SPMAP2L: variants seen among roughly 807,000 people sequenced by gnomAD.
SPMAP2L encodes sperm microtubule associated protein 2-like.
At chr4:56,543,179 G>A in the SPMAP2L span, among the ~76,000 whole-genome samples, 5 of 151,776 alleles carry the variant, frequency 3.3e-5, no homozygotes, top group African/African-American at 9.7e-5. Context: ...CGCCTCCCGG[G>A]TTCACGCCAT....
At chr4:56,602,917 G>C in the SPMAP2L span, among the ~76,000 whole-genome samples, 1 of 152,088 alleles carries the variant, frequency 6.6e-6, no homozygotes, top group East Asian at 1.9e-4. Context: ...ACAAACTCAG[G>C]TCTGTCTGAT....
the SPMAP2L span, among the ~76,000 whole-genome samples, chr4:56,622,907 AC>A: frequency 6.6e-6 from 1 of 152,070 alleles, no homozygotes. Flanking sequence ...ACAGTCTCGC[AC>A]CTTTCTGAAT....
At chr4:56,552,287 A>G in the SPMAP2L span, among the ~76,000 whole-genome samples, 1 of 152,184 alleles carries the variant, frequency 6.6e-6, no homozygotes, top group Non-Finnish European at 1.5e-5. Context: ...ATTTTACCTC[A>G]GGTCTTCTGG....
chr4:56,606,462 G>T, the SPMAP2L span, among the ~76,000 whole-genome samples: 1 of 152,100 alleles, frequency 6.6e-6, no homozygotes, highest in African/African-American at 2.4e-5. Context: ...TGAAGCAAGG[G>T]TGATGGAGCT....
the SPMAP2L span, among the ~76,000 whole-genome samples, chr4:56,606,140 G>C: frequency 7.9e-5 from 12 of 152,116 alleles, no homozygotes; most frequent in Non-Finnish European, 2.9e-5. Context: ...AAAGTGTGAC[G>C]TTTTCTTAAC....
chr4:56,578,399 T>A, the SPMAP2L span, among the ~76,000 whole-genome samples: 1 of 151,834 alleles, frequency 6.6e-6, no homozygotes, highest in African/African-American at 2.4e-5. Context: ...AGAAAATATC[T>A]AACACAAAAG....
At chr4:56,588,720 T>C in the SPMAP2L span, among the ~76,000 whole-genome samples, 1 of 152,144 alleles carries the variant, frequency 6.6e-6, no homozygotes, top group Non-Finnish European at 1.5e-5. Context: ...CGTTAGCCAC[T>C]GTGTCCAGCC....
At chr4:56,539,009 A>T in the SPMAP2L span, among the ~76,000 whole-genome samples, 1 of 152,218 alleles carries the variant, frequency 6.6e-6, no homozygotes, top group Non-Finnish European at 1.5e-5. Context: ...CTACTCACTC[A>T]ATAAGATTTT....
the SPMAP2L span, chr4:56,584,526 C>G: frequency 6.5e-7 from 1 of 1,535,330 alleles, no homozygotes; most frequent in South Asian, 1.2e-5. Context: ...GCAAGAGATT[C>G]TCTTCGAATC....
the SPMAP2L span, among the ~76,000 whole-genome samples, chr4:56,591,219 T>C: frequency 2.6e-4 from 40 of 152,288 alleles, no homozygotes; most frequent in African/African-American, 8.7e-4. Context: ...TAAAAGTGTG[T>C]AGCACCTTCC....
the SPMAP2L span, among the ~76,000 whole-genome samples, chr4:56,577,229 A>G: frequency 2.0e-5 from 3 of 152,032 alleles, no homozygotes; most frequent in Non-Finnish European, 4.4e-5. Context: ...ACATGGTGAA[A>G]CCTCATCTCT....
the SPMAP2L span, among the ~76,000 whole-genome samples, chr4:56,555,892 T>C: frequency 6.6e-6 from 1 of 152,170 alleles, no homozygotes; most frequent in Non-Finnish European, 1.5e-5. Context: ...TTGTCTCTTA[T>C]TCATGGATAG....
At chr4:56,621,832 G>A in the SPMAP2L span, among the ~76,000 whole-genome samples, 2,517 of 152,300 alleles carry the variant, frequency 0.017, 25 homozygotes, top group Non-Finnish European at 0.028. Flanking sequence ...GCTGGAAAAG[G>A]AAAGGGAGAG....
chr4:56,595,423 A>G, the SPMAP2L span: 11,402 of 1,606,370 alleles, frequency 7.1e-3, 54 homozygotes, highest in Non-Finnish European at 9.0e-3. Flanking sequence ...CTGTGATGCC[A>G]TGATCAGCAT....
At chr4:56,562,114 C>T in the SPMAP2L span, among the ~76,000 whole-genome samples, 3 of 152,070 alleles carry the variant, frequency 2.0e-5, no homozygotes, top group African/African-American at 7.2e-5. Flanking sequence ...GACACAATTA[C>T]TGTTTTTAAG....
chr4:56,619,348 A>G, the SPMAP2L span, among the ~76,000 whole-genome samples: 1 of 152,198 alleles, frequency 6.6e-6, no homozygotes, highest in East Asian at 1.9e-4. Context: ...GAGCTTATTC[A>G]TCTGGCTTTA....
chr4:56,552,589 A>G, the SPMAP2L span: 1 of 1,526,132 alleles, frequency 6.6e-7, no homozygotes, highest in Non-Finnish European at 8.8e-7. Context: ...TTCAAAGCCT[A>G]AAAAGCAATG....
At chr4:56,596,459 T>C in the SPMAP2L span, 2 of 1,468,130 alleles carry the variant, frequency 1.4e-6, no homozygotes, top group East Asian at 5.0e-5. Flanking sequence ...TAGTGTTTAT[T>C]ACTTGATGCT....
chr4:56,620,849 C>T, the SPMAP2L span, among the ~76,000 whole-genome samples: 1,432 of 152,312 alleles, frequency 9.4e-3, 20 homozygotes, highest in African/African-American at 0.03. Flanking sequence ...AAACTGTTCT[C>T]AATTGCTGCC....
Sources: gnomAD v4.1 joint callset for allele counts (sites outside exome capture counted in the v4.1 genomes callset) on GRCh38, gnomAD v4.1.1 for gene constraint, MANE v1.5 for transcripts, NCBI Gene and HGNC (gene_info 2026-07-23, HGNC 2026-07-21) for gene names.